Variants in MACROD2 observed in about 807,000 individuals in gnomAD.
The protein encoded by MACROD2 is mono-ADP ribosylhydrolase 2.
Under a neutral mutation model 70.4 loss-of-function variants are expected in MACROD2, and 36 were observed. The ratio of observed to expected loss-of-function variants is 0.51; its 90% CI spans 0.39 to 0.68. The LOEUF is 0.68. Ranked by LOEUF, MACROD2 falls within the 30% of genes least tolerant of loss-of-function variation. MACROD2 has a pLI of 0.00. For missense variants in MACROD2, 496 were observed against 538.4 expected, an observed-to-expected ratio of 0.92 and a Z score of 0.78; for synonymous variants, 172 against 178.8, an observed-to-expected ratio of 0.96 and a Z score of 0.30.
chr20:15,111,131 G>C (rs73096071), intron 5 of MACROD2, among the ~76,000 whole-genome samples: 32,432 of 151,352 alleles, frequency 0.21, 4,789 homozygotes, highest in Non-Finnish European at 0.32. Context: ...CTGTATTTCA[G>C]ATATTTTTTA....
At chr20:14,584,003 C>T (rs1981209292) in intron 4 of MACROD2, among the ~76,000 whole-genome samples, 1 of 152,210 alleles carries the variant, frequency 6.6e-6, no homozygotes, top group African/African-American at 2.4e-5. Context: ...CTCCTCCTTC[C>T]CCTCTCTAGC....
intron 3 of MACROD2, among the ~76,000 whole-genome samples, chr20:14,347,241 A>G (rs901988833): frequency 6.6e-6 from 1 of 152,170 alleles, no homozygotes; most frequent in Non-Finnish European, 1.5e-5. Flanking sequence ...ATCAGTTACT[A>G]TGGTGGTAAG....
At chr20:15,159,202 A>G (rs984859409) in intron 5 of MACROD2, among the ~76,000 whole-genome samples, 1 of 152,152 alleles carries the variant, frequency 6.6e-6, no homozygotes, top group Non-Finnish European at 1.5e-5. Flanking sequence ...TTCATAAAAC[A>G]AAAAGGGTAA....
At chr20:14,983,458 T>A (rs1223019011) in intron 5 of MACROD2, among the ~76,000 whole-genome samples, 1 of 152,124 alleles carries the variant, frequency 6.6e-6, no homozygotes, top group Non-Finnish European at 1.5e-5. Flanking sequence ...TCATCTTAAA[T>A]TTCCATATGT....
chr20:15,718,931 CA>C (rs771016040), intron 8 of MACROD2, among the ~76,000 whole-genome samples: 64 of 152,130 alleles, frequency 4.2e-4, no homozygotes, highest in Non-Finnish European at 8.4e-4. Flanking sequence ...GAAATGTTTT[CA>C]AAAGGCACTC....
At chr20:14,228,981 G>A (rs548641391) in intron 3 of MACROD2, among the ~76,000 whole-genome samples, 7 of 118,758 alleles carry the variant, frequency 5.9e-5, no homozygotes, top group Non-Finnish European at 1.0e-4. Flanking sequence ...CAGCACACCA[G>A]ACTCTGTCTC....
rs571630678 is a variant in MACROD2 at position 14,775,365 on chromosome 20, G to T, written c.418+90406G>T. 3.9e-5 allele frequency among the ~76,000 whole-genome samples: 6 copies of T among 152,176 alleles called. No homozygotes were observed. In the South Asian group the frequency reaches 1.2e-3, roughly 32 times the overall value. On this transcript the variant is annotated intron_variant, in intron 5 of 17. Transcript: ENST00000684519. The stretch of plus-strand genomic sequence containing the variant: ...CATGGTTCTGTAGACTGTATAAGAA[G>T]CATAGTGGTGGCATCTGTTTCTGGT...
At chr20:14,139,493 G>A (rs972147688) in intron 3 of MACROD2, among the ~76,000 whole-genome samples, 1 of 152,182 alleles carries the variant, frequency 6.6e-6, no homozygotes, top group East Asian at 1.9e-4. Context: ...CTATTTTATG[G>A]ATGGGGAAAT....
intron 8 of MACROD2, among the ~76,000 whole-genome samples, chr20:15,709,350 A>G (rs1420079843): frequency 6.6e-6 from 1 of 152,162 alleles, no homozygotes; most frequent in Non-Finnish European, 1.5e-5. Flanking sequence ...AAGACTTTTA[A>G]AAACATTGAA....
At chr20:14,946,473 AT>A (rs2074433362) in intron 5 of MACROD2, among the ~76,000 whole-genome samples, 1 of 152,142 alleles carries the variant, frequency 6.6e-6, no homozygotes, top group African/African-American at 2.4e-5. Context: ...AGGTTAATTA[AT>A]TGCAGATAAA....
chr20:16,035,712 A>AC (rs1370361115), intron 15 of MACROD2, among the ~76,000 whole-genome samples: 1 of 152,002 alleles, frequency 6.6e-6, no homozygotes, highest in Non-Finnish European at 1.5e-5. Context: ...GGGATTTAGA[A>AC]CAGTTGTCTG....
chr20:14,647,561 T>G (rs1985460241), intron 4 of MACROD2, among the ~76,000 whole-genome samples: 2 of 152,026 alleles, frequency 1.3e-5, no homozygotes, highest in Admixed American at 1.3e-4. Context: ...TTTTTTCAGG[T>G]CAAGAATGTA....
intron 15 of MACROD2, among the ~76,000 whole-genome samples, chr20:16,010,604 G>A (rs960133700): frequency 6.6e-6 from 1 of 152,138 alleles, no homozygotes; most frequent in South Asian, 2.1e-4. Context: ...GTGCTCAGGT[G>A]TTCAGCCACG....
intron 3 of MACROD2, among the ~76,000 whole-genome samples, chr20:14,379,083 G>A (rs2083398811): frequency 6.6e-6 from 1 of 152,152 alleles, no homozygotes; most frequent in Non-Finnish European, 1.5e-5. Flanking sequence ...ACTTGACTAA[G>A]TACTTTAGAG....
chr20:15,849,387 G>A (rs1018959693), intron 8 of MACROD2, among the ~76,000 whole-genome samples: 18 of 152,150 alleles, frequency 1.2e-4, no homozygotes, highest in African/African-American at 4.1e-4. Context: ...ACTGTAAATG[G>A]CATCTGCATG....
At position 14,560,731 on chromosome 20, in the gene MACROD2, A is replaced by G. The variant is rs541276467; in HGVS notation, c.301+67223A>G. ...ATATTTTACCTATCCTGTTACCACT[A>G]CCTGTGGACAGTGTTAATTGATTTC... On this transcript the variant is annotated intron_variant, in intron 4 of 17. Transcript: ENST00000684519. Among the ~76,000 whole-genome samples the G allele has an allele frequency of 2.6e-5, 4 of 151,964 alleles. No homozygotes were observed. In the East Asian group the frequency reaches 7.8e-4, roughly 30 times the overall value.
intron 8 of MACROD2, among the ~76,000 whole-genome samples, chr20:15,579,897 T>A (rs1223748983): frequency 1.3e-5 from 2 of 152,188 alleles, no homozygotes; most frequent in Non-Finnish European, 2.9e-5. Flanking sequence ...AGCTTGCAAA[T>A]CCTACAGGAA....
At chr20:15,710,139 A>C (rs1181853867) in intron 8 of MACROD2, among the ~76,000 whole-genome samples, 1 of 151,626 alleles carries the variant, frequency 6.6e-6, no homozygotes, top group Non-Finnish European at 1.5e-5. Context: ...AATGCAACTC[A>C]AAACCACAAT....
chr20:15,550,750 C>T (rs2048084617), intron 8 of MACROD2, among the ~76,000 whole-genome samples: 1 of 152,190 alleles, frequency 6.6e-6, no homozygotes. Context: ...GGTAGCACAA[C>T]AGGCACTGGG....
Sources: allele counts gnomAD v4.1 joint callset (sites outside exome capture counted in the v4.1 genomes callset), GRCh38; gene constraint gnomAD v4.1.1; transcripts MANE v1.5; gene names NCBI Gene and HGNC (gene_info 2026-07-23, HGNC 2026-07-21).